CEMIP2: variants seen among roughly 807,000 people sequenced by gnomAD.
CEMIP2 encodes the protein cell migration inducing hyaluronidase 2.
In CEMIP2, 79 loss-of-function variants were observed where a neutral mutation model predicts 146.9. The ratio of observed to expected loss-of-function variants is 0.54; its 90% CI spans 0.45 to 0.65. CEMIP2 has a LOEUF of 0.65. Among genes scored for constraint, CEMIP2 ranks in the 30% least tolerant of loss-of-function variants. The pLI is 0.00. For missense variants in CEMIP2, 1,596 were observed against 1,696.2 expected (o/e 0.94, Z 1.04); for synonymous variants, 601 against 606.3 (o/e 0.99, Z 0.13).
Position 71,708,000 on chromosome 9 carries a change from C to T in CEMIP2, c.2985+1259G>A, listed in dbSNP as rs138393743. On this transcript the variant is annotated intron_variant, in intron 17 of 23. Coordinates refer to ENST00000377044, the MANE Select transcript of CEMIP2 (RefSeq NM_013390.3). Reference sequence around the variant, plus strand: ...AGGAGATCAAGACCATCCTGGCTAACACGGTGAAACCCCGTCTCTATTAAA... The same window carrying T: ...AGGAGATCAAGACCATCCTGGCTAATACGGTGAAACCCCGTCTCTATTAAA... 7.5e-3 allele frequency among the ~76,000 whole-genome samples: 1,142 copies of T among 152,212 alleles called. 8 individuals are homozygous for T. Among genetic ancestry groups the T allele is most frequent in the Non-Finnish European group, 0.013 (878 of 68,000 alleles).
intron 1 of CEMIP2, among the ~76,000 whole-genome samples, chr9:71,750,885 TA>T: frequency 6.6e-6 from 1 of 152,244 alleles, no homozygotes. Context: ...TAGCCAGGAC[TA>T]CAGGTACATC....
intron 12 of CEMIP2, among the ~76,000 whole-genome samples, chr9:71,721,715 C>T (rs2131937937): frequency 6.6e-6 from 1 of 152,354 alleles, no homozygotes; most frequent in East Asian, 1.9e-4. Context: ...ACTCCATAAA[C>T]TGGTCAATCA....
At chr9:71,725,432 T>C (rs1204601903) in intron 11 of CEMIP2, 149 bp downstream of exon 11, 5 of 831,616 alleles carry the variant, frequency 6.0e-6, no homozygotes, top group Non-Finnish European at 8.9e-6. Flanking sequence ...CCTTCAGAAG[T>C]GTGAGCCAAA....
chr9:71,767,958 G>A (rs371276617), intron 1 of CEMIP2, among the ~76,000 whole-genome samples: 1 of 152,286 alleles, frequency 6.6e-6, no homozygotes, highest in South Asian at 2.1e-4. Flanking sequence ...TTACTGTGGG[G>A]TTTATCCCCT....
intron 4 of CEMIP2, 82 bp downstream of exon 4, chr9:71,744,936 G>T: frequency 2.1e-6 from 3 of 1,435,620 alleles, no homozygotes; most frequent in East Asian, 4.6e-5. Context: ...TCATGCTGTG[G>T]CTGTGGCTCC....
intron 20 of CEMIP2, 73 bp downstream of exon 20, chr9:71,697,912 A>G: frequency 6.8e-7 from 1 of 1,463,172 alleles, no homozygotes; most frequent in Non-Finnish European, 9.3e-7. Flanking sequence ...GTTTCAAAGA[A>G]AAGTGCTCCT....
chr9:71,756,934 T>C (rs948204312), intron 1 of CEMIP2, among the ~76,000 whole-genome samples: 4 of 152,238 alleles, frequency 2.6e-5, no homozygotes, highest in Non-Finnish European at 5.9e-5. Flanking sequence ...CATTCAATGC[T>C]GTGATCAAAG....
In CEMIP2 at chr9:71,745,411, A is replaced by C; in HGVS notation, c.641T>G (p.Met214Arg). Reference sequence around the variant, plus strand: ...AATAAACTTTTTGCCAAATGTTGGCATACTTTCACCTTCATCTGACTTGCC... The same window carrying C: ...AATAAACTTTTTGCCAAATGTTGGCCTACTTTCACCTTCATCTGACTTGCC... Reference protein sequence around the residue: ...LYGKSDEGESMPTFGKKFIGV... With the variant: ...LYGKSDEGESRPTFGKKFIGV... The change falls in exon 4 of 24, where the codon ATG becomes AGG. Residue 214 changes from methionine to arginine, a missense_variant. Physicochemically the swap from Met to Arg is moderately conservative, Grantham distance 91. Coordinates refer to ENST00000377044, the MANE Select transcript of CEMIP2 (RefSeq NM_013390.3). The C allele has an allele frequency of 1.2e-6, 2 of 1,614,158 alleles. No individual in the cohort carries two copies. Among genetic ancestry groups the C allele is most frequent in the Non-Finnish European group, 1.7e-6 (2 of 1,180,016 alleles).
intron 2 of CEMIP2, 160 bp downstream of exon 2, chr9:71,749,883 T>C: frequency 1.6e-6 from 1 of 606,842 alleles, no homozygotes; most frequent in South Asian, 2.2e-5. Context: ...AACAGATTAT[T>C]GAACAATTGC....
Position 71,690,219 on chromosome 9 carries a change from T to G in CEMIP2, c.3724A>C (p.Ser1242Arg). The G allele has an allele frequency of 6.2e-7, 1 of 1,614,058 alleles. No individual in the cohort carries two copies. The highest frequency in any genetic ancestry group is 1.3e-5 in the African/African-American group (1 of 75,032). ...SVNGTDFTFR[S>R]AGVLLLVVDP... ...ACAACAAGGAGGAGGACGCCTGCAC[T>G]TCGGAAGGTAAAGTCAGTGCCATTG... Residue 1242 changes from serine to arginine, a missense_variant, in exon 22 of 24, where the codon AGT (serine) becomes CGT (arginine). Coordinates refer to ENST00000377044, the MANE Select transcript of CEMIP2 (RefSeq NM_013390.3).
chr9:71,730,204 T>G lies in CEMIP2; in HGVS notation c.1823A>C (p.Glu608Ala). ...FDTLGHCFFL[E>A]DGIEQRNTLF... is the part of the protein sequence containing the mutation. ...AGTATTCCTCTGTTCAATACCATCT[T>G]CCAAAAAGAAACAATGACCTAGTGT... The change falls in exon 9 of 24, where the codon GAA (glutamate) becomes GCA (alanine). Residue 608 changes from glutamate (E) to alanine (A), a missense_variant. By Grantham distance (107) the Glu-to-Ala change is moderately radical. Transcript: ENST00000377044. The G allele has an allele frequency of 1.2e-6, 2 of 1,614,170 alleles. No individual in the cohort carries two copies. Among genetic ancestry groups the G allele is most frequent in the Non-Finnish European group, 1.7e-6 (2 of 1,180,040 alleles).
chr9:71,704,412 C>G (rs1440481626), intron 18 of CEMIP2, 183 bp downstream of exon 18: 2 of 623,714 alleles, frequency 3.2e-6, no homozygotes, highest in Non-Finnish European at 2.8e-6. Flanking sequence ...TTTGAAATGA[C>G]AGGATTCAAT....
chr9:71,712,841 C>T (rs764131905), intron 15 of CEMIP2, among the ~76,000 whole-genome samples: 2 of 152,170 alleles, frequency 1.3e-5, no homozygotes, highest in Non-Finnish European at 2.9e-5. Flanking sequence ...ACACAAACTC[C>T]TTAGCCTACT....
intron 1 of CEMIP2, among the ~76,000 whole-genome samples, chr9:71,756,644 C>G (rs1824471142): frequency 6.6e-6 from 1 of 151,978 alleles, no homozygotes; most frequent in Non-Finnish European, 1.5e-5. Context: ...ATCAGTTTCT[C>G]TGATTCAGGA....
intron 1 of CEMIP2, among the ~76,000 whole-genome samples, chr9:71,758,179 T>C (rs905152819): frequency 3.3e-5 from 5 of 152,212 alleles, no homozygotes; most frequent in African/African-American, 4.8e-5. Context: ...AACGGACATA[T>C]GGTTGAAACA....
Position 71,730,795 on chromosome 9 carries a change from T to TC in CEMIP2, c.1682dup (p.Gly562ArgfsTer38). 1 of 1,614,232 alleles carries TC rather than the reference T, an allele frequency of 6.2e-7. No homozygotes were observed. The highest frequency in any genetic ancestry group is 8.5e-7 in the Non-Finnish European group (1 of 1,180,048). ...CCACAAATGTTGCATGTCTGTATCC[T>TC]CCTTTATAATCCACGTCACCACACA... is the stretch of plus-strand genomic sequence containing the variant. On this transcript the variant is annotated frameshift_variant, in exon 8 of 24. Transcript: ENST00000377044. LOFTEE classifies it high-confidence loss of function.
chr9:71,691,437 AAT>A (rs1464920348), intron 21 of CEMIP2, among the ~76,000 whole-genome samples: 2 of 150,972 alleles, frequency 1.3e-5, no homozygotes, highest in African/African-American at 2.5e-5. Flanking sequence ...AAAATAAATA[AAT>A]AAAAAAGCCC....
At chr9:71,698,235 T>C (rs762869418) in intron 19 of CEMIP2, 31 bp from the exon 20 acceptor site, 1 of 1,593,398 alleles carries the variant, frequency 6.3e-7, no homozygotes, top group Non-Finnish European at 8.6e-7. Flanking sequence ...TCCATGTAGT[T>C]AGACTTATTC....
chr9:71,697,058 T>C (rs1822424513), intron 20 of CEMIP2, among the ~76,000 whole-genome samples: 1 of 152,228 alleles, frequency 6.6e-6, no homozygotes, highest in Non-Finnish European at 1.5e-5. Context: ...GGAACTCAAA[T>C]GTGAACATGT....
Sources: gnomAD v4.1 joint callset for allele counts (sites outside exome capture counted in the v4.1 genomes callset) on GRCh38, gnomAD v4.1.1 for gene constraint, MANE v1.5 for transcripts, NCBI Gene and HGNC (gene_info 2026-07-23, HGNC 2026-07-21) for gene names.